Variants in CTNNA2 observed in about 807,000 individuals in gnomAD.
CTNNA2 encodes the protein catenin alpha-2.
In CTNNA2, 42 loss-of-function variants were observed where a neutral mutation model predicts 101.0. That is an observed-to-expected ratio of 0.42 (90% CI 0.32 to 0.54). The LOEUF is 0.54. CTNNA2 is among the 20% of genes least tolerant of loss of function. The probability of loss-of-function intolerance (pLI) is 0.14; values close to 1 mark genes in which losing one functional copy is unlikely to be tolerated. For synonymous variants in CTNNA2, 450 were observed against 456.4 expected, an observed-to-expected ratio of 0.99 and a Z score of 0.18; for missense variants, 871 against 1,223.1, an observed-to-expected ratio of 0.71 and a Z score of 4.29.
At chr2:79,313,173 T>C (rs1000312480) in intron 3 of CTNNA2, among the ~76,000 whole-genome samples, 1 of 152,086 alleles carries the variant, frequency 6.6e-6, no homozygotes, top group East Asian at 1.9e-4. Flanking sequence ...ATAGTTGGAG[T>C]TGGGAACAGA....
chr2:80,502,203 G>A (rs1017277755), intron 9 of CTNNA2, among the ~76,000 whole-genome samples: 7 of 152,100 alleles, frequency 4.6e-5, no homozygotes, highest in Non-Finnish European at 1.0e-4. Flanking sequence ...TTAATATTTG[G>A]AACTTTTTCA....
intron 7 of CTNNA2, among the ~76,000 whole-genome samples, chr2:80,001,621 CCAAGGAGTGTTTG>C (rs994660537): frequency 1.3e-5 from 2 of 152,036 alleles, no homozygotes; most frequent in Non-Finnish European, 2.9e-5. Flanking sequence ...GTATGTTTAA[CCAAGGAGTGTTTG>C]CAATCTATTG....
chr2:79,440,512 CTTGTTTG>C (rs1384376953), intron 4 of CTNNA2, among the ~76,000 whole-genome samples: 2 of 152,080 alleles, frequency 1.3e-5, no homozygotes, highest in African/African-American at 4.8e-5. Flanking sequence ...GCTATGTTTG[CTTGTTTG>C]TTGTTTGTTT....
chr2:79,430,577 G>A (rs781245706), intron 4 of CTNNA2, among the ~76,000 whole-genome samples: 52 of 152,216 alleles, frequency 3.4e-4, no homozygotes, highest in African/African-American at 9.9e-4. Flanking sequence ...TATACTGAGT[G>A]CCAACCATAA....
chr2:79,574,341 G>A (rs1573380750), intron 1 of CTNNA2: 1 of 152,100 alleles, frequency 6.6e-6, no homozygotes, highest in African/African-American at 2.4e-5. Context: ...TACTCAAAAG[G>A]TAGTTTTTCA....
chr2:79,753,951 C>T (rs2105045951), intron 3 of CTNNA2, among the ~76,000 whole-genome samples: 1 of 150,818 alleles, frequency 6.6e-6, no homozygotes, highest in Non-Finnish European at 1.5e-5. Context: ...TCACTGCAAC[C>T]TCCACCTCCT....
At chr2:79,369,350 G>C (rs74752542) in intron 3 of CTNNA2, among the ~76,000 whole-genome samples, 1 of 152,106 alleles carries the variant, frequency 6.6e-6, no homozygotes, top group Non-Finnish European at 1.5e-5. Flanking sequence ...AGCTTCCCCC[G>C]CAGCCCCCGA....
At chr2:79,554,041 G>C (rs1308582150) in intron 1 of CTNNA2, among the ~76,000 whole-genome samples, 1 of 152,110 alleles carries the variant, frequency 6.6e-6, no homozygotes, top group Non-Finnish European at 1.5e-5. Flanking sequence ...ACTACAAATA[G>C]ATTTGGGCTG....
intron 3 of CTNNA2, among the ~76,000 whole-genome samples, chr2:79,848,756 A>G (rs1215018153): frequency 1.3e-5 from 2 of 152,214 alleles, no homozygotes; most frequent in Non-Finnish European, 2.9e-5. Flanking sequence ...AGACTTAATT[A>G]TGTACCTTGG....
chr2:79,197,258 G>C (rs1166360181), intron 1 of CTNNA2, among the ~76,000 whole-genome samples: 2 of 152,172 alleles, frequency 1.3e-5, no homozygotes, highest in African/African-American at 2.4e-5. Flanking sequence ...ACTTGAATTT[G>C]GCAGAGACTC....
intron 4 of CTNNA2, among the ~76,000 whole-genome samples, chr2:79,503,052 C>T (rs144683836): frequency 7.9e-5 from 12 of 152,180 alleles, no homozygotes; most frequent in East Asian, 5.8e-4. Flanking sequence ...GCTCATATCC[C>T]GATATGGCAC....
At chr2:79,323,782 C>A (rs1212044067) in intron 3 of CTNNA2, among the ~76,000 whole-genome samples, 1 of 152,108 alleles carries the variant, frequency 6.6e-6, no homozygotes, top group African/African-American at 2.4e-5. Flanking sequence ...GGGAGTTTCT[C>A]AAAGAGTTTT....
In CTNNA2 at chr2:79,894,383, C is replaced by T. The variant is rs376804836; in HGVS notation, c.853-15211C>T. ...ATTCCATCATCTTGGTAAGCCCAGCCTTTCTAAAATGCTAGTCACATATTA... is the reference window on the plus strand; with the variant it reads ...ATTCCATCATCTTGGTAAGCCCAGCTTTTCTAAAATGCTAGTCACATATTA... On this transcript the variant is annotated intron_variant, in intron 6 of 18. Coordinates refer to ENST00000402739, the MANE Select transcript of CTNNA2 (RefSeq NM_001282597.3). Among the ~76,000 whole-genome samples the T allele has an allele frequency of 1.8e-4, 27 of 151,842 alleles. No individual in the cohort carries two copies. The East Asian group carries it at 5.3e-3, about 30-fold the overall frequency.
intron 4 of CTNNA2, among the ~76,000 whole-genome samples, chr2:79,496,802 T>C (rs193295264): frequency 9.7e-4 from 148 of 152,118 alleles, no homozygotes; most frequent in African/African-American, 3.5e-3. Flanking sequence ...AAGTTCTACA[T>C]GACTTTAAAA....
At chr2:79,595,296 G>C (rs528055387) in intron 1 of CTNNA2, among the ~76,000 whole-genome samples, 8 of 152,032 alleles carry the variant, frequency 5.3e-5, no homozygotes, top group Admixed American at 6.6e-5. Context: ...GTATGTTCCC[G>C]TGGTAATTTA....
chr2:80,392,477 A>T (rs865933788), intron 7 of CTNNA2, among the ~76,000 whole-genome samples: 16 of 152,246 alleles, frequency 1.1e-4, no homozygotes, highest in African/African-American at 3.9e-4. Flanking sequence ...TTTTCTGTTG[A>T]GTTTTAATTG....
intron 2 of CTNNA2, among the ~76,000 whole-genome samples, chr2:79,705,923 A>G (rs541035488): frequency 6.6e-6 from 1 of 152,318 alleles, no homozygotes; most frequent in South Asian, 2.1e-4. Flanking sequence ...AACAAGCTAC[A>G]GAGAAGAGGT....
intron 7 of CTNNA2, among the ~76,000 whole-genome samples, chr2:80,020,830 A>G (rs1057076876): frequency 1.3e-5 from 2 of 152,110 alleles, no homozygotes; most frequent in East Asian, 3.9e-4. Context: ...TTTGGAAAGC[A>G]TGAACACAAA....
At chr2:79,887,484 T>G (rs1231325588) in intron 6 of CTNNA2, among the ~76,000 whole-genome samples, 1 of 152,150 alleles carries the variant, frequency 6.6e-6, no homozygotes, top group Non-Finnish European at 1.5e-5. Context: ...CTTGCACTGA[T>G]TTTTTTGGCT....
Sources: allele counts gnomAD v4.1 joint callset (sites outside exome capture counted in the v4.1 genomes callset), GRCh38; gene constraint gnomAD v4.1.1; transcripts MANE v1.5; gene names NCBI Gene and HGNC (gene_info 2026-07-23, HGNC 2026-07-21).